The following ADGRL3 variants were observed in gnomAD, a reference collection of about 807,000 sequenced individuals.
ADGRL3 encodes the protein calcium-independent alpha-latrotoxin receptor 3.
In ADGRL3, 62 loss-of-function variants were observed where a neutral mutation model predicts 153.5. That is an observed-to-expected ratio of 0.40 (90% CI 0.33 to 0.50). The LOEUF is 0.50. Among genes scored for constraint, ADGRL3 ranks in the 20% least tolerant of loss-of-function variants. The pLI is 0.47. For synonymous variants in ADGRL3, 710 were observed against 672.5 expected (o/e 1.06, Z -0.86); for missense variants, 1,641 against 1,859.4 (o/e 0.88, Z 2.16).
At chr4:61,447,974 A>G (rs1040564536) in intron 2 of ADGRL3, among the ~76,000 whole-genome samples, 1 of 152,226 alleles carries the variant, frequency 6.6e-6, no homozygotes, top group Non-Finnish European at 1.5e-5. Context: ...CTAGGTTAAT[A>G]CTGGCAGTGC....
intron 19 of ADGRL3, among the ~76,000 whole-genome samples, chr4:61,986,542 A>T (rs973250316): frequency 2.0e-5 from 3 of 152,164 alleles, no homozygotes; most frequent in Non-Finnish European, 4.4e-5. Context: ...ATTTACTGAC[A>T]TTATTGCTGT....
chr4:61,871,844 C>T (rs1174792000), intron 9 of ADGRL3, among the ~76,000 whole-genome samples: 1 of 152,128 alleles, frequency 6.6e-6, no homozygotes, highest in African/African-American at 2.4e-5. Flanking sequence ...CTCTTGCTAT[C>T]CCCTCTACCT....
intron 4 of ADGRL3, among the ~76,000 whole-genome samples, chr4:61,545,190 T>G (rs888697268): frequency 2.6e-5 from 4 of 152,188 alleles, no homozygotes; most frequent in African/African-American, 9.6e-5. Flanking sequence ...TAAGTTGTAA[T>G]TAAAAATTAC....
chr4:61,459,259 A>C (rs1400934017), intron 2 of ADGRL3, among the ~76,000 whole-genome samples: 1 of 151,920 alleles, frequency 6.6e-6, no homozygotes, highest in Non-Finnish European at 1.5e-5. Flanking sequence ...TTAGTAAAAA[A>C]CAAATAAAGT....
intron 2 of ADGRL3, among the ~76,000 whole-genome samples, chr4:61,476,263 C>A (rs759420623): frequency 6.6e-6 from 1 of 151,958 alleles, no homozygotes; most frequent in Non-Finnish European, 1.5e-5. Flanking sequence ...GTCACTTTGT[C>A]GCCCAGGCTG....
intron 1 of ADGRL3, among the ~76,000 whole-genome samples, chr4:61,209,900 A>G (rs1185301071): frequency 6.6e-6 from 1 of 152,218 alleles, no homozygotes; most frequent in Non-Finnish European, 1.5e-5. Context: ...AAGTCATCAT[A>G]AACGTCGAAG....
intron 21 of ADGRL3, among the ~76,000 whole-genome samples, chr4:62,017,053 T>A (rs539391927): frequency 1.3e-5 from 2 of 152,086 alleles, no homozygotes. Flanking sequence ...GACAAATGTA[T>A]TGAACATTAT....
intron 1 of ADGRL3, among the ~76,000 whole-genome samples, chr4:61,362,468 C>T (rs1172879015): frequency 1.3e-5 from 2 of 151,984 alleles, no homozygotes; most frequent in African/African-American, 4.8e-5. Flanking sequence ...TCTTCCTCCT[C>T]TAAAACTTAA....
At chr4:61,417,859 AC>A (rs1371929421) in intron 2 of ADGRL3, among the ~76,000 whole-genome samples, 11 of 152,212 alleles carry the variant, frequency 7.2e-5, no homozygotes, top group Middle Eastern at 3.4e-3. Flanking sequence ...AAGGGATTAA[AC>A]TGATTGTATG....
rs145696666 is a variant in ADGRL3, at chr4:61,931,377, G to T, written c.2113-3463G>T. Among the ~76,000 whole-genome samples the T allele has an allele frequency of 6.5e-3, 988 of 152,242 alleles. 6 individuals carry two copies. Among genetic ancestry groups the T allele is most frequent in the African/African-American group, 0.022 (935 of 41,574 alleles). On this transcript the variant is annotated intron_variant, in intron 13 of 26. Coordinates refer to ENST00000683033, the MANE Select transcript of ADGRL3 (RefSeq NM_001387552.1). Reference sequence around the variant, plus strand: ...TGAAGACGTCCCTTCTTCCTACACTGTACTGTGATATCAAGCAAAAGTAAA... The same window carrying T: ...TGAAGACGTCCCTTCTTCCTACACTTTACTGTGATATCAAGCAAAAGTAAA...
rs1724575171 is a variant in ADGRL3, at chr4:62,035,658, C to T, written c.3592-2073C>T. On this transcript the variant is annotated intron_variant, in intron 23 of 26. Transcript: ENST00000683033. ...CATTTGTCCTCATTCTTTCCAGACA[C>T]AAAGAAGGAGATAATTAATAGATTA... 2.6e-5 allele frequency among the ~76,000 whole-genome samples: 4 copies of T among 152,084 alleles called. No individual in the cohort carries two copies. In the South Asian group the frequency reaches 8.3e-4, roughly 32 times the overall value.
intron 23 of ADGRL3, 103 bp downstream of exon 23, chr4:62,031,713 A>C: frequency 1.3e-6 from 1 of 763,564 alleles, no homozygotes; most frequent in South Asian, 2.5e-5. Context: ...GTTTGTCTAC[A>C]AGAAATAAAG....
rs1456197683 is a variant in ADGRL3 at position 61,476,257 on chromosome 4, CTT to C, written c.-173-20862_-173-20861del. ...TTTTTATTTTTTTGAGAGAGAGTCA[CTT>C]TGTCGCCCAGGCTGGAGTGCAGCGG... On this transcript the variant is annotated intron_variant, in intron 2 of 26. Transcript: ENST00000683033. 6.6e-5 allele frequency among the ~76,000 whole-genome samples: 10 copies of C among 152,124 alleles called. No homozygotes were observed. The East Asian group carries it at 1.8e-3, about 27-fold the overall frequency.
At chr4:61,252,183 C>G (rs1196506428) in intron 1 of ADGRL3, among the ~76,000 whole-genome samples, 1 of 151,972 alleles carries the variant, frequency 6.6e-6, no homozygotes, top group Non-Finnish European at 1.5e-5. Context: ...GCGCCCAGCC[C>G]CTATGATTCT....
intron 17 of ADGRL3, among the ~76,000 whole-genome samples, chr4:61,961,618 G>A (rs150948885): frequency 6.6e-6 from 1 of 152,182 alleles, no homozygotes; most frequent in African/African-American, 2.4e-5. Flanking sequence ...AAGAGTAAAA[G>A]TTATATGTAT....
intron 21 of ADGRL3, among the ~76,000 whole-genome samples, chr4:62,014,575 CATT>C (rs2151296188): frequency 6.6e-6 from 1 of 152,258 alleles, no homozygotes; most frequent in East Asian, 1.9e-4. Flanking sequence ...GAATCCCACT[CATT>C]AGCAATAGAA....
At chr4:61,275,845 T>G (rs934648391) in intron 1 of ADGRL3, among the ~76,000 whole-genome samples, 4 of 152,286 alleles carry the variant, frequency 2.6e-5, no homozygotes, top group African/African-American at 9.6e-5. Context: ...AATCTATTTA[T>G]TCTCTTAAAA....
chr4:61,364,772 AATC>A (rs564015719), intron 1 of ADGRL3, among the ~76,000 whole-genome samples: 6 of 152,314 alleles, frequency 3.9e-5, no homozygotes, highest in African/African-American at 1.2e-4. Flanking sequence ...GAGAGACAAT[AATC>A]ATCACCAAAA....
At chr4:61,883,820 TAC>T (rs1427853514) in intron 9 of ADGRL3, among the ~76,000 whole-genome samples, 1 of 152,170 alleles carries the variant, frequency 6.6e-6, no homozygotes, top group Non-Finnish European at 1.5e-5. Context: ...GTCCATAAGA[TAC>T]AGTTTATTAA....
Sources: allele counts gnomAD v4.1 joint callset (sites outside exome capture counted in the v4.1 genomes callset), GRCh38; gene constraint gnomAD v4.1.1; transcripts MANE v1.5; gene names NCBI Gene and HGNC (gene_info 2026-07-23, HGNC 2026-07-21).